The following SYN3 variants were observed in gnomAD, a reference collection of about 807,000 sequenced individuals.
SYN3 encodes synapsin III.
Under a neutral mutation model 65.8 loss-of-function variants are expected in SYN3, and 35 were observed. That is an observed-to-expected ratio of 0.53 (90% confidence interval 0.41 to 0.70). SYN3 has a LOEUF of 0.70. SYN3 is among the 30% of genes least tolerant of loss of function. The probability of loss-of-function intolerance (pLI) is 0.00; values close to 1 mark genes in which losing one functional copy is unlikely to be tolerated. For synonymous variants in SYN3, 270 were observed against 292.9 expected, an observed-to-expected ratio of 0.92 and a Z score of 0.80; for missense variants, 680 against 749.0, an observed-to-expected ratio of 0.91 and a Z score of 1.08.
At position 32,644,100 on chromosome 22, in the gene SYN3, A is replaced by AG. The variant is rs1569118846; in HGVS notation, c.712-47365_712-47364insC. Among the ~76,000 whole-genome samples the AG allele has an allele frequency of 1.3e-3, 157 of 121,706 alleles. 32 individuals are homozygous for AG. Among genetic ancestry groups the AG allele is most frequent in the South Asian group, 8.6e-3 (29 of 3,354 alleles). The allele number at this position is 121,706 out of a possible 152,430, so 79.8% of individuals were successfully genotyped here. On this transcript the variant is annotated intron_variant, in intron 6 of 13. Transcript: ENST00000358763. ...AAAAAAAAAAAAAAAAAAAAAAAAA[A>AG]AAGCGACAAGACTGACTGATGATGG...
Position 32,533,105 on chromosome 22 carries a change from G to C in SYN3, c.1095+688C>G, listed in dbSNP as rs1265359168. Among the ~76,000 whole-genome samples the C allele has an allele frequency of 2.0e-5, 3 of 152,142 alleles. No homozygotes were observed. In the East Asian group the frequency reaches 5.8e-4, roughly 30 times the overall value. On this transcript the variant is annotated intron_variant, in intron 10 of 13. Transcript: ENST00000358763. ...GGAAACAGAGAGAGGAAGCGGCGGG[G>C]ATGGGAGGACTATAGGATTGGGAGA...
intron 6 of SYN3, among the ~76,000 whole-genome samples, chr22:32,638,561 A>T (rs775065612): frequency 1.1e-4 from 16 of 152,306 alleles, no homozygotes; most frequent in Non-Finnish European, 2.2e-4. Context: ...TCTGATGATT[A>T]GTGATGATGA....
chr22:33,056,935 A>G (rs922468498), intron 1 of SYN3, among the ~76,000 whole-genome samples: 1 of 152,192 alleles, frequency 6.6e-6, no homozygotes, highest in Non-Finnish European at 1.5e-5. Flanking sequence ...ATGAGAAAAG[A>G]AGAGCAGAGG....
chr22:32,719,686 A>T (rs899207229), intron 6 of SYN3, among the ~76,000 whole-genome samples: 4 of 152,154 alleles, frequency 2.6e-5, no homozygotes, highest in African/African-American at 9.7e-5. Context: ...CTCCAAAAAA[A>T]CAAAAAAGAA....
intron 6 of SYN3, among the ~76,000 whole-genome samples, chr22:32,638,276 C>T (rs922628666): frequency 6.6e-6 from 1 of 152,122 alleles, no homozygotes; most frequent in Non-Finnish European, 1.5e-5. Flanking sequence ...GCAATGAACA[C>T]GTGAGTGCAT....
At chr22:32,820,259 T>TGTGC (rs1555971880) in intron 6 of SYN3, among the ~76,000 whole-genome samples, 7 of 149,040 alleles carry the variant, frequency 4.7e-5, no homozygotes, top group Non-Finnish European at 7.5e-5. Context: ...TGTGTGTGTG[T>TGTGC]GTGCGTGCGC....
chr22:32,888,532 A>G (rs776158819), intron 4 of SYN3, among the ~76,000 whole-genome samples: 2 of 152,230 alleles, frequency 1.3e-5, no homozygotes, highest in Non-Finnish European at 2.9e-5. Flanking sequence ...TTAATTTGAC[A>G]TCTCATTATA....
At chr22:32,841,186 G>A (rs1489797407) in intron 6 of SYN3, among the ~76,000 whole-genome samples, 1 of 152,184 alleles carries the variant, frequency 6.6e-6, no homozygotes, top group African/African-American at 2.4e-5. Flanking sequence ...CACTCTTCGG[G>A]CAGCTTTGGC....
intron 6 of SYN3, among the ~76,000 whole-genome samples, chr22:32,754,974 T>C (rs541871546): frequency 6.6e-6 from 1 of 152,226 alleles, no homozygotes; most frequent in Admixed American, 6.5e-5. Flanking sequence ...ACTTCTAACC[T>C]CTGCTCCCCC....
At chr22:32,907,687 G>A (rs2146559796) in intron 4 of SYN3, among the ~76,000 whole-genome samples, 1 of 152,274 alleles carries the variant, frequency 6.6e-6, no homozygotes, top group East Asian at 1.9e-4. Context: ...TCTGTAAATA[G>A]TTTTATTAGA....
intron 6 of SYN3, among the ~76,000 whole-genome samples, chr22:32,717,015 A>T (rs536225671): frequency 7.9e-5 from 12 of 151,648 alleles, no homozygotes; most frequent in Non-Finnish European, 1.5e-4. Context: ...CTCCCCATTC[A>T]CCTCTCCTAT....
At chr22:32,543,598 G>A (rs1036378604) in intron 7 of SYN3, among the ~76,000 whole-genome samples, 2 of 152,144 alleles carry the variant, frequency 1.3e-5, no homozygotes, top group Non-Finnish European at 2.9e-5. Context: ...TGCAGTGGCG[G>A]TGGTGTGCCT....
intron 6 of SYN3, among the ~76,000 whole-genome samples, chr22:32,660,506 C>A (rs2413142): frequency 0.26 from 40,188 of 151,978 alleles, 7,112 homozygotes; most frequent in East Asian, 0.71. Flanking sequence ...AGACCACTTC[C>A]TCTCTAATCC....
At chr22:32,585,691 G>C (rs948084079) in intron 7 of SYN3, among the ~76,000 whole-genome samples, 1 of 152,100 alleles carries the variant, frequency 6.6e-6, no homozygotes, top group Admixed American at 6.5e-5. Flanking sequence ...ATGACTTCAT[G>C]ATCTAGATGG....
At chr22:33,055,771 G>T (rs1416745702) in intron 1 of SYN3, among the ~76,000 whole-genome samples, 1 of 152,202 alleles carries the variant, frequency 6.6e-6, no homozygotes, top group Admixed American at 6.5e-5. Context: ...TACTGGCTAT[G>T]CAATGCAATG....
At chr22:32,731,192 C>T (rs936699707) in intron 6 of SYN3, among the ~76,000 whole-genome samples, 2 of 152,124 alleles carry the variant, frequency 1.3e-5, no homozygotes, top group Non-Finnish European at 2.9e-5. Context: ...AACAATGACT[C>T]CAATGCCACG....
rs2057674239 is a variant in SYN3 at position 32,510,001 on chromosome 22, T to C, written c.*3691A>G. Among the ~76,000 whole-genome samples, 1 of 152,172 alleles carries C rather than the reference T, an allele frequency of 6.6e-6. No homozygotes were observed. The highest frequency in any genetic ancestry group is 1.5e-5 in the Non-Finnish European group (1 of 68,026). On this transcript the variant is annotated 3_prime_UTR_variant, in exon 14 of 14. Transcript: ENST00000358763. ...TTGGAAGGAGGTTCTGCGGCTGTTGTACACAGATACTGGAGTATCTGGGAG... is the reference window on the plus strand; with the variant it reads ...TTGGAAGGAGGTTCTGCGGCTGTTGCACACAGATACTGGAGTATCTGGGAG...
Position 32,518,042 on chromosome 22 carries a change from C to CT in SYN3, c.1610dup (p.Asn537LysfsTer8). 1 of 1,516,732 alleles carries CT rather than the reference C, an allele frequency of 6.6e-7. No individual in the cohort carries two copies. The highest frequency in any genetic ancestry group is 8.8e-7 in the Non-Finnish European group (1 of 1,134,692). 94.0% of individuals were successfully genotyped at this position (1,516,732 alleles called of 1,614,324 possible). ...CCTTTTCCAATTCCCAAAGCACTTACTTGAGATGCGGATGGGGTGGTGCTG... is the reference window on the plus strand; with the variant it reads ...CCTTTTCCAATTCCCAAAGCACTTACTTTGAGATGCGGATGGGGTGGTGCTG... On this transcript the variant is annotated frameshift_variant and splice_region_variant. Transcript: ENST00000358763. LOFTEE classifies it high-confidence loss of function.
At chr22:32,659,653 G>A (rs2060189869) in intron 6 of SYN3, among the ~76,000 whole-genome samples, 1 of 152,196 alleles carries the variant, frequency 6.6e-6, no homozygotes, top group Non-Finnish European at 1.5e-5. Context: ...TTGAAAAGGT[G>A]TTTCAGATAT....
Sources: allele counts gnomAD v4.1 joint callset (sites outside exome capture counted in the v4.1 genomes callset), GRCh38; gene constraint gnomAD v4.1.1; transcripts MANE v1.5; gene names NCBI Gene and HGNC (gene_info 2026-07-23, HGNC 2026-07-21).